The following TRAPPC9 variants were observed in gnomAD, a reference collection of about 807,000 sequenced individuals.
TRAPPC9 encodes the protein IKK2 binding protein.
Under a neutral mutation model 124.0 loss-of-function variants are expected in TRAPPC9, and 83 were observed. The ratio of observed to expected loss-of-function variants is 0.67; its 90% CI spans 0.56 to 0.80. The LOEUF is 0.80. TRAPPC9 is among the 30% of genes least tolerant of loss of function. TRAPPC9 has a pLI of 0.00. For synonymous variants in TRAPPC9, 638 were observed against 617.5 expected (o/e 1.03, Z -0.49); for missense variants, 1,302 against 1,508.3 (o/e 0.86, Z 2.27).
At chr8:140,194,705 T>G (rs2062594363) in intron 17 of TRAPPC9, among the ~76,000 whole-genome samples, 1 of 152,188 alleles carries the variant, frequency 6.6e-6, no homozygotes, top group Admixed American at 6.5e-5. Flanking sequence ...TGGTATCAAC[T>G]GTCTTTGAAG....
chr8:140,287,782 T>C (rs2131739431), intron 12 of TRAPPC9, 48 bp from the exon 13 acceptor site: 3 of 1,613,000 alleles, frequency 1.9e-6, no homozygotes, highest in Non-Finnish European at 1.7e-6. Flanking sequence ...ACCTACTGTG[T>C]GTGCTCAGTT....
chr8:140,453,611 C>T (rs577174135), intron 1 of TRAPPC9, among the ~76,000 whole-genome samples: 1 of 137,256 alleles, frequency 7.3e-6, no homozygotes, highest in South Asian at 2.3e-4. Flanking sequence ...CCCTAGCCTC[C>T]CAACATGTCT....
Position 140,355,453 on chromosome 8 carries a change from C to A in TRAPPC9, c.1495+4597G>T, listed in dbSNP as rs374098717. ...AGTCATCCAAACCGAGATGATGAAT[C>A]TCTCCTAACTCACTCTACAAATACC... On this transcript the variant is annotated intron_variant, in intron 9 of 22. Coordinates refer to ENST00000438773, the MANE Select transcript of TRAPPC9 (RefSeq NM_001160372.4). Among the ~76,000 whole-genome samples the A allele has an allele frequency of 8.5e-5, 13 of 152,314 alleles. No individual in the cohort carries two copies. The East Asian group carries it at 2.3e-3, about 27-fold the overall frequency.
intron 19 of TRAPPC9, among the ~76,000 whole-genome samples, chr8:139,940,242 A>G (rs1383303162): frequency 6.6e-6 from 1 of 152,202 alleles, no homozygotes; most frequent in African/African-American, 2.4e-5. Context: ...CTGGCAGTCA[A>G]GTTTTTCTTA....
At chr8:140,089,997 T>C (rs1282799747) in intron 17 of TRAPPC9, among the ~76,000 whole-genome samples, 1 of 152,094 alleles carries the variant, frequency 6.6e-6, no homozygotes, top group Non-Finnish European at 1.5e-5. Context: ...GGAAAATCAC[T>C]TGAACACGGG....
chr8:140,090,129 T>C (rs1844467815), intron 17 of TRAPPC9, among the ~76,000 whole-genome samples: 1 of 152,174 alleles, frequency 6.6e-6, no homozygotes, highest in Admixed American at 6.5e-5. Flanking sequence ...GCAATGTCTA[T>C]GCAAATTCAA....
chr8:140,328,769 T>C (rs752874431), intron 9 of TRAPPC9, among the ~76,000 whole-genome samples: 9 of 152,174 alleles, frequency 5.9e-5, no homozygotes, highest in African/African-American at 1.7e-4. Context: ...TAGAGATGCT[T>C]AGCTATGACC....
chr8:140,282,367 G>A (rs1009110280), intron 14 of TRAPPC9, among the ~76,000 whole-genome samples: 1 of 152,056 alleles, frequency 6.6e-6, no homozygotes, highest in African/African-American at 2.4e-5. Flanking sequence ...GCTGGGCGTG[G>A]TGGCGGGTAC....
intron 21 of TRAPPC9, among the ~76,000 whole-genome samples, chr8:139,745,887 C>G (rs1164159382): frequency 6.6e-6 from 1 of 152,272 alleles, no homozygotes; most frequent in Non-Finnish European, 1.5e-5. Flanking sequence ...CCCGCCTCCA[C>G]GTGCCCATGG....
intron 17 of TRAPPC9, among the ~76,000 whole-genome samples, chr8:140,037,841 CACACACACAGAT>C (rs1841006066): frequency 7.1e-6 from 1 of 141,470 alleles, no homozygotes; most frequent in African/African-American, 2.5e-5. Context: ...CACACACCAA[CACACACACAGAT>C]ACACACATAC....
At chr8:140,337,260 G>A (rs1365355456) in intron 9 of TRAPPC9, among the ~76,000 whole-genome samples, 2 of 152,096 alleles carry the variant, frequency 1.3e-5, no homozygotes, top group East Asian at 3.9e-4. Flanking sequence ...CACACATGAA[G>A]GCACATGTTA....
At chr8:140,344,915 T>G (rs1588184443) in intron 9 of TRAPPC9, among the ~76,000 whole-genome samples, 1 of 152,340 alleles carries the variant, frequency 6.6e-6, no homozygotes, top group South Asian at 2.1e-4. Context: ...ATCTGGGATG[T>G]GCTGAGGCAG....
chr8:139,829,934 C>T (rs1019268811), intron 21 of TRAPPC9, among the ~76,000 whole-genome samples: 14 of 152,212 alleles, frequency 9.2e-5, no homozygotes, highest in Admixed American at 2.0e-4. Context: ...CCACAGACCA[C>T]GCACTTCCCA....
chr8:140,242,254 G>A (rs1487141951), intron 16 of TRAPPC9, among the ~76,000 whole-genome samples: 1 of 152,080 alleles, frequency 6.6e-6, no homozygotes, highest in East Asian at 1.9e-4. Flanking sequence ...ACCAGAAGAT[G>A]GATTCAAGAG....
rs114181966 is a variant in TRAPPC9 at position 139,987,532 on chromosome 8, C to T, written c.2810+1194G>A. On this transcript the variant is annotated intron_variant, in intron 19 of 22. Coordinates refer to ENST00000438773, the MANE Select transcript of TRAPPC9 (RefSeq NM_001160372.4). ...TAAAAAACATTTTATTTCCTTAAAA[C>T]AAATGAAAGAGGCAGAGAGAGAGAG... is the stretch of plus-strand genomic sequence containing the variant. 6.6e-3 allele frequency among the ~76,000 whole-genome samples: 809 copies of T among 123,072 alleles called. 4 individuals are homozygous for T. The highest frequency in any genetic ancestry group is 0.021 in the African/African-American group (767 of 37,060). The allele number at this position is 123,072 out of a possible 152,430, so 80.7% of individuals were successfully genotyped here.
chr8:140,355,722 C>T (rs959606659), intron 9 of TRAPPC9, among the ~76,000 whole-genome samples: 5 of 151,890 alleles, frequency 3.3e-5, no homozygotes, highest in East Asian at 1.9e-4. Context: ...GTCTAATGGG[C>T]GAGCCACATC....
At chr8:140,046,062 G>A (rs1316208520) in intron 17 of TRAPPC9, among the ~76,000 whole-genome samples, 1 of 152,114 alleles carries the variant, frequency 6.6e-6, no homozygotes, top group Non-Finnish European at 1.5e-5. Flanking sequence ...GGACTCCTGT[G>A]ACACAGCAAG....
At chr8:140,250,738 A>G (rs2064113488) in intron 16 of TRAPPC9, among the ~76,000 whole-genome samples, 1 of 152,126 alleles carries the variant, frequency 6.6e-6, no homozygotes, top group African/African-American at 2.4e-5. Flanking sequence ...GCCACATACT[A>G]TGTAAACAAC....
chr8:140,042,037 T>C (rs763675334), intron 17 of TRAPPC9, among the ~76,000 whole-genome samples: 48 of 152,174 alleles, frequency 3.2e-4, no homozygotes, highest in Non-Finnish European at 5.1e-4. Flanking sequence ...TTCAGGACAA[T>C]TGGGACAGTT....
Sources: allele counts gnomAD v4.1 joint callset (sites outside exome capture counted in the v4.1 genomes callset), GRCh38; gene constraint gnomAD v4.1.1; transcripts MANE v1.5; gene names NCBI Gene and HGNC (gene_info 2026-07-23, HGNC 2026-07-21).